Variants in PIP5K1B observed in about 807,000 individuals in gnomAD.
PIP5K1B encodes the protein phosphatidylinositol 4-phosphate 5-kinase type-1 beta.
Under a neutral mutation model 67.0 loss-of-function variants are expected in PIP5K1B, and 42 were observed. The observed-to-expected ratio is 0.63, with a 90% CI of 0.49 to 0.81. PIP5K1B has a LOEUF of 0.81. PIP5K1B is among the 30% of genes least tolerant of loss of function. PIP5K1B has a pLI of 0.00. For missense variants in PIP5K1B, 459 were observed against 646.3 expected, an observed-to-expected ratio of 0.71 and a Z score of 3.14; for synonymous variants, 214 against 231.4, an observed-to-expected ratio of 0.92 and a Z score of 0.68.
At chr9:68,897,947 A>T (rs979622836) in intron 8 of PIP5K1B, among the ~76,000 whole-genome samples, 3 of 152,108 alleles carry the variant, frequency 2.0e-5, no homozygotes, top group Non-Finnish European at 4.4e-5. Context: ...TGCCAATCAG[A>T]GCTGCCGTTT....
chr9:68,780,522 A>G lies in PIP5K1B; in HGVS notation c.-86+37865A>G, dbSNP rs139798652. On this transcript the variant is annotated intron_variant, in intron 2 of 15. Transcript: ENST00000265382. The stretch of plus-strand genomic sequence containing the variant: ...GCAGATAAGCCACTCCTGGGAGGAA[A>G]GTTTCAGCCTGAGTGACAACGACGT... 6 of 1,614,080 alleles carry G rather than the reference A, an allele frequency of 3.7e-6. No individual in the cohort carries two copies. In the African/African-American group the frequency reaches 8.0e-5, roughly 22 times the overall value.
At chr9:68,741,600 C>T (rs1486539029) in intron 1 of PIP5K1B, 1 of 152,254 alleles carries the variant, frequency 6.6e-6, no homozygotes, top group Non-Finnish European at 1.5e-5. Context: ...CCCACCAATC[C>T]ATTGTGGAAT....
intron 4 of PIP5K1B, among the ~76,000 whole-genome samples, chr9:68,857,906 C>T (rs1052375895): frequency 5.3e-5 from 8 of 151,996 alleles, no homozygotes; most frequent in African/African-American, 1.9e-4. Context: ...AATGGGGAGG[C>T]TGGTCAGCAT....
At chr9:68,810,040 A>G (rs892930203) in intron 2 of PIP5K1B, among the ~76,000 whole-genome samples, 7 of 152,276 alleles carry the variant, frequency 4.6e-5, no homozygotes, top group African/African-American at 1.4e-4. Flanking sequence ...TCAAAAGAGC[A>G]TAAATAAAAC....
At chr9:68,800,783 G>T (rs1466325250) in intron 2 of PIP5K1B, among the ~76,000 whole-genome samples, 1 of 152,150 alleles carries the variant, frequency 6.6e-6, no homozygotes, top group Non-Finnish European at 1.5e-5. Context: ...CAGAAAGGTT[G>T]CCTTTTTGTC....
At chr9:68,785,977 C>G (rs1412758893) in intron 2 of PIP5K1B, 1 of 152,200 alleles carries the variant, frequency 6.6e-6, no homozygotes, top group Admixed American at 6.5e-5. Flanking sequence ...TCAAGTCCAC[C>G]TTTGGCAAAT....
chr9:68,969,097 G>C (rs1013473460), intron 14 of PIP5K1B, among the ~76,000 whole-genome samples: 1 of 152,026 alleles, frequency 6.6e-6, no homozygotes, highest in Non-Finnish European at 1.5e-5. Flanking sequence ...GGCCGGGCGC[G>C]GTGGCTCATG....
chr9:68,947,282 G>A (rs1186644619), intron 14 of PIP5K1B, among the ~76,000 whole-genome samples: 4 of 152,194 alleles, frequency 2.6e-5, no homozygotes, highest in South Asian at 2.1e-4. Flanking sequence ...ACCTGCTGCC[G>A]CCTTGGAGAA....
chr9:68,818,398 T>C (rs769755559), intron 2 of PIP5K1B, 63 bp from the exon 3 acceptor site: 2 of 152,302 alleles, frequency 1.3e-5, no homozygotes, highest in Non-Finnish European at 2.9e-5. Flanking sequence ...CTACCTCTGA[T>C]CTTTTTTGGG....
At chr9:68,892,450 A>C (rs1587626433) in intron 7 of PIP5K1B, among the ~76,000 whole-genome samples, 1 of 152,368 alleles carries the variant, frequency 6.6e-6, no homozygotes, top group East Asian at 1.9e-4. Context: ...ATTCAAATAA[A>C]GTGTCCAGAA....
chr9:68,928,064 A>G (rs528561064), intron 12 of PIP5K1B, among the ~76,000 whole-genome samples: 2 of 151,948 alleles, frequency 1.3e-5, no homozygotes, highest in Non-Finnish European at 2.9e-5. Flanking sequence ...ATGAGAGAAC[A>G]TAAACCAGAC....
At position 68,713,353 on chromosome 9, in the gene PIP5K1B, C is replaced by T. The variant is rs183024787; in HGVS notation, c.-243+7591C>T. On this transcript the variant is annotated intron_variant, in intron 1 of 15. Transcript: ENST00000265382. ...TGCAGAGGTTGCAATGAGCCAAGAT[C>T]GCACCATTGCACTCCAGCCTGGGTG... Among the ~76,000 whole-genome samples, 54 of 152,218 alleles carry T rather than the reference C, an allele frequency of 3.5e-4. No individual in the cohort carries two copies. In the East Asian group the frequency reaches 5.8e-3, roughly 16 times the overall value.
intron 2 of PIP5K1B, chr9:68,789,644 G>A (rs749799144): frequency 3.5e-4 from 119 of 341,284 alleles, no homozygotes; most frequent in Middle Eastern, 8.2e-4. Flanking sequence ...CTCCAGAGGA[G>A]TTGATCAAGA....
At position 68,920,606 on chromosome 9, in the gene PIP5K1B, G is replaced by C. The variant is rs567834019; in HGVS notation, c.1116+877G>C. ...TGGTCTCGAACTCCTGACCTCAGGT[G>C]ATCCACCTGCCTTGGCCTCCCAAAG... On this transcript the variant is annotated intron_variant, in intron 11 of 15. Coordinates refer to ENST00000265382, the MANE Select transcript of PIP5K1B (RefSeq NM_003558.4). 3.3e-5 allele frequency among the ~76,000 whole-genome samples: 5 copies of C among 152,058 alleles called. No individual in the cohort carries two copies. In the South Asian group the frequency reaches 8.3e-4, roughly 25 times the overall value.
chr9:68,866,964 T>C (rs927990182), intron 5 of PIP5K1B, among the ~76,000 whole-genome samples: 2 of 152,152 alleles, frequency 1.3e-5, no homozygotes, highest in East Asian at 1.9e-4. Flanking sequence ...AAAAATCAAA[T>C]TGACCAGAGT....
intron 8 of PIP5K1B, among the ~76,000 whole-genome samples, chr9:68,907,556 T>C (rs1024154011): frequency 2.8e-4 from 42 of 152,320 alleles, no homozygotes; most frequent in Admixed American, 6.5e-4. Context: ...CTGTAGGTAC[T>C]TGCTGTTCTT....
rs77317374 is a variant in PIP5K1B at position 68,734,669 on chromosome 9, G to A, written c.-242-7832G>A. ...CTCAAATGGTCTTGAAACTCACAAG[G>A]ATAAGAATGTCCCTCCAGTCTATAC... On this transcript the variant is annotated intron_variant, in intron 1 of 15. Coordinates refer to ENST00000265382, the MANE Select transcript of PIP5K1B (RefSeq NM_003558.4). 8.9e-4 allele frequency among the ~76,000 whole-genome samples: 136 copies of A among 152,304 alleles called. 4 individuals carry two copies. The East Asian group carries it at 0.024, about 27-fold the overall frequency.
At chr9:68,767,010 GGATATT>G (rs1159423386) in intron 2 of PIP5K1B, among the ~76,000 whole-genome samples, 1 of 152,106 alleles carries the variant, frequency 6.6e-6, no homozygotes, top group Non-Finnish European at 1.5e-5. Flanking sequence ...AAATAGTCAG[GGATATT>G]GATATTAAGT....
intron 14 of PIP5K1B, among the ~76,000 whole-genome samples, chr9:68,941,545 A>AAGCACTGTT (rs1242557981): frequency 1.3e-5 from 2 of 152,244 alleles, no homozygotes; most frequent in Non-Finnish European, 2.9e-5. Flanking sequence ...ATTTTTATAT[A>AAGCACTGTT]AGCACTGTTT....
Sources: allele counts gnomAD v4.1 joint callset (sites outside exome capture counted in the v4.1 genomes callset), GRCh38; gene constraint gnomAD v4.1.1; transcripts MANE v1.5; gene names NCBI Gene and HGNC (gene_info 2026-07-23, HGNC 2026-07-21).